Variants in ARHGAP31 observed in about 807,000 individuals in gnomAD.
ARHGAP31 encodes rho GTPase-activating protein 31.
A neutral mutation model predicts 113.9 loss-of-function variants in ARHGAP31; 34 were observed. The observed-to-expected ratio is 0.30, with a 90% CI of 0.23 to 0.40. The LOEUF (loss-of-function observed/expected upper bound fraction) is 0.40, where lower values mean the gene tolerates loss of function less well. ARHGAP31 is among the 10% of genes least tolerant of loss of function. The probability of loss-of-function intolerance (pLI) is 1.00; values close to 1 mark genes in which losing one functional copy is unlikely to be tolerated. For missense variants in ARHGAP31, 1,548 were observed against 1,767.1 expected (o/e 0.88, Z 2.22); for synonymous variants, 650 against 684.8 (o/e 0.95, Z 0.79).
rs764076688 is a variant in ARHGAP31 at position 119,409,692 on chromosome 3, G to C, written c.1842G>C (p.Glu614Asp). 1.2e-6 allele frequency: 2 copies of C among 1,610,904 alleles called. No individual in the cohort carries two copies. The highest frequency in any genetic ancestry group is 8.5e-7 in the Non-Finnish European group (1 of 1,178,608). ...CAAATCCGGAGAAGGTGGTGGAGGAGGGACGAGAGGCTGGTGAGATGGAGT... is the reference window on the plus strand; with the variant it reads ...CAAATCCGGAGAAGGTGGTGGAGGACGGACGAGAGGCTGGTGAGATGGAGT... Reference protein sequence around the residue: ...KRPNPEKVVEEGREAGEMESS... With the variant: ...KRPNPEKVVEDGREAGEMESS... The change falls in exon 11 of 12, where the codon GAG becomes GAC. Residue 614 changes from glutamate (E) to aspartate (D), a missense_variant. Glu to Asp is a conservative substitution (Grantham distance 45). Transcript: ENST00000264245.
intron 1 of ARHGAP31, among the ~76,000 whole-genome samples, chr3:119,349,897 A>G (rs1304553440): frequency 6.6e-6 from 1 of 152,040 alleles, no homozygotes; most frequent in African/African-American, 2.4e-5. Context: ...TTCCATTTCC[A>G]CTATTGAGAA....
chr3:119,401,637 T>C (rs1487661716), intron 9 of ARHGAP31, among the ~76,000 whole-genome samples, 185 bp from the exon 10 acceptor site: 1 of 152,198 alleles, frequency 6.6e-6, no homozygotes, highest in Non-Finnish European at 1.5e-5. Context: ...TGAAATTCTG[T>C]GCATATGAGG....
chr3:119,413,703 C>G (rs755099763), intron 11 of ARHGAP31, among the ~76,000 whole-genome samples, 153 bp from the exon 12 acceptor site: 2 of 152,134 alleles, frequency 1.3e-5, no homozygotes, highest in Non-Finnish European at 2.9e-5. Flanking sequence ...ATGGTGAGCA[C>G]TCAAATAGCC....
intron 3 of ARHGAP31, among the ~76,000 whole-genome samples, chr3:119,373,221 A>G (rs2080317328): frequency 6.6e-6 from 1 of 152,202 alleles, no homozygotes; most frequent in Non-Finnish European, 1.5e-5. Flanking sequence ...CAGGGGATTA[A>G]TGTTCTTTAA....
rs545271640 is a variant in ARHGAP31 at position 119,302,076 on chromosome 3, ATTTTTC to A, written c.100+7078_100+7083del. On this transcript the variant is annotated intron_variant, in intron 1 of 11. Transcript: ENST00000264245. ...CATACTTATCCCCAAGCTTCAAGTTATTTTTCTTTTTGACTATGGGTCCATGTCCTA... is the reference window on the plus strand; with the variant it reads ...CATACTTATCCCCAAGCTTCAAGTTATTTTTGACTATGGGTCCATGTCCTA... 3.1e-3 allele frequency among the ~76,000 whole-genome samples: 466 copies of A among 152,188 alleles called. 3 individuals are homozygous for A. Among genetic ancestry groups the A allele is most frequent in the South Asian group, 0.021 (101 of 4,832 alleles).
In ARHGAP31 at chr3:119,380,918, T is replaced by A. The variant is rs374160242; in HGVS notation, c.363T>A (p.His121Gln). The A allele has an allele frequency of 6.2e-6, 10 of 1,614,038 alleles. No homozygotes were observed. Among genetic ancestry groups the A allele is most frequent in the Admixed American group, 1.7e-5 (1 of 60,006 alleles). ...CTTCTCCACAGGAGGCAGTGTCGCA[T>A]TGCCCTGAAGAAGGCCAACTGGCCC... ...LYEKFTEAVSHCPEEGQLARI... is the reference protein window; with the variant it reads ...LYEKFTEAVSQCPEEGQLARI... The change falls in exon 4 of 12, where the codon CAT becomes CAA. Residue 121 changes from histidine (H) to glutamine (Q), a missense_variant. Physicochemically the swap from His to Gln is conservative, Grantham distance 24. Transcript: ENST00000264245.
chr3:119,396,002 C>T (rs149352925), intron 8 of ARHGAP31, among the ~76,000 whole-genome samples: 187 of 152,160 alleles, frequency 1.2e-3, no homozygotes, highest in Non-Finnish European at 2.3e-3. Context: ...TGCTTAAGCA[C>T]GTCAAAGAGA....
chr3:119,354,552 G>A (rs1320872302), intron 1 of ARHGAP31, among the ~76,000 whole-genome samples: 1 of 151,658 alleles, frequency 6.6e-6, no homozygotes, highest in African/African-American at 2.4e-5. Flanking sequence ...TTGTTGCCCA[G>A]GCTAAAGTGC....
chr3:119,353,797 A>G (rs945338650), intron 1 of ARHGAP31, among the ~76,000 whole-genome samples: 69 of 152,044 alleles, frequency 4.5e-4, no homozygotes, highest in African/African-American at 1.5e-3. Context: ...CAAAAAAAAA[A>G]AAAAAAAAAA....
chr3:119,339,707 A>G (rs1002484821), intron 1 of ARHGAP31, among the ~76,000 whole-genome samples: 4 of 151,578 alleles, frequency 2.6e-5, no homozygotes, highest in African/African-American at 7.2e-5. Context: ...TGCTGGAACA[A>G]CTAGACATTC....
intron 2 of ARHGAP31, among the ~76,000 whole-genome samples, chr3:119,366,051 A>AT (rs2080250331): frequency 6.6e-6 from 1 of 152,156 alleles, no homozygotes; most frequent in Admixed American, 6.5e-5. Flanking sequence ...AGGGCAAAAC[A>AT]TTTTATACAA....
At chr3:119,399,126 C>T (rs1423690291) in intron 8 of ARHGAP31, 73 bp from the exon 9 acceptor site, 1 of 1,399,570 alleles carries the variant, frequency 7.1e-7, no homozygotes, top group Non-Finnish European at 1.0e-6. Context: ...GGTACTTAAA[C>T]AGCCTGACCT....
chr3:119,320,923 CACGAGATCTGATG>C (rs2079777137), intron 1 of ARHGAP31, among the ~76,000 whole-genome samples: 1 of 152,102 alleles, frequency 6.6e-6, no homozygotes, highest in Admixed American at 6.5e-5. Flanking sequence ...GAGTAAGTCT[CACGAGATCTGATG>C]GTTTTGAAAA....
Position 119,415,057 on chromosome 3 carries a change from G to T in ARHGAP31, c.3128G>T (p.Gly1043Val), listed in dbSNP as rs768824252. Residue 1043 changes from glycine (G) to valine (V), a missense_variant, in exon 12 of 12, where the codon GGA (glycine) becomes GTA (valine). Gly to Val is a moderately radical substitution (Grantham distance 109). Coordinates refer to ENST00000264245, the MANE Select transcript of ARHGAP31 (RefSeq NM_020754.4). Reference protein sequence around the residue: ...AETSPISLAEGKELGTHLGHS... With the variant: ...AETSPISLAEVKELGTHLGHS... Reference sequence around the variant, plus strand: ...ACCAGCCCCATCAGCCTAGCAGAGGGAAAGGAGCTAGGGACACACCTGGGG... The same window carrying T: ...ACCAGCCCCATCAGCCTAGCAGAGGTAAAGGAGCTAGGGACACACCTGGGG... 1 of 1,614,190 alleles carries T rather than the reference G, an allele frequency of 6.2e-7. No individual in the cohort carries two copies. The highest frequency in any genetic ancestry group is 8.5e-7 in the Non-Finnish European group (1 of 1,180,030).
intron 1 of ARHGAP31, among the ~76,000 whole-genome samples, chr3:119,306,718 C>T (rs1337779246): frequency 6.6e-6 from 1 of 152,152 alleles, no homozygotes; most frequent in Non-Finnish European, 1.5e-5. Context: ...AGGGATTTTA[C>T]TTTTGTTGGT....
chr3:119,344,496 G>A (rs981468929), intron 1 of ARHGAP31, among the ~76,000 whole-genome samples: 1 of 152,130 alleles, frequency 6.6e-6, no homozygotes, highest in African/African-American at 2.4e-5. Context: ...CTCACTTAAG[G>A]ACCCACTCAC....
chr3:119,379,927 C>T (rs946871464), intron 3 of ARHGAP31, among the ~76,000 whole-genome samples: 6 of 152,168 alleles, frequency 3.9e-5, no homozygotes, highest in East Asian at 1.9e-4. Context: ...TGGGAGGGGC[C>T]GTGAGCACAG....
intron 8 of ARHGAP31, among the ~76,000 whole-genome samples, chr3:119,397,803 CAT>C (rs1424075152): frequency 6.6e-6 from 1 of 152,240 alleles, no homozygotes; most frequent in Non-Finnish European, 1.5e-5. Context: ...AACTGCTTCT[CAT>C]AGAACCTTCT....
intron 1 of ARHGAP31, among the ~76,000 whole-genome samples, chr3:119,336,776 G>A (rs1354912373): frequency 6.6e-6 from 1 of 152,078 alleles, no homozygotes; most frequent in Non-Finnish European, 1.5e-5. Flanking sequence ...ACCCTCAAAA[G>A]AAACCTTATA....
Sources: gnomAD v4.1 joint callset for allele counts (sites outside exome capture counted in the v4.1 genomes callset) on GRCh38, gnomAD v4.1.1 for gene constraint, MANE v1.5 for transcripts, NCBI Gene and HGNC (gene_info 2026-07-23, HGNC 2026-07-21) for gene names.